The following CTNNA2 variants were observed in gnomAD, a reference collection of about 807,000 sequenced individuals.
The protein encoded by CTNNA2 is catenin alpha 2.
Under a neutral mutation model 101.0 loss-of-function variants are expected in CTNNA2, and 42 were observed. That is an observed-to-expected ratio of 0.42 (90% CI 0.32 to 0.54). CTNNA2 has a LOEUF of 0.54. Ranked by LOEUF, CTNNA2 falls within the 20% of genes least tolerant of loss-of-function variation. CTNNA2 has a pLI of 0.14. For synonymous variants in CTNNA2, 450 were observed against 456.4 expected (o/e 0.99, Z 0.18); for missense variants, 871 against 1,223.1 (o/e 0.71, Z 4.29).
At chr2:79,282,749 T>C (rs1675430739) in intron 2 of CTNNA2, among the ~76,000 whole-genome samples, 2 of 136,672 alleles carry the variant, frequency 1.5e-5, no homozygotes, top group African/African-American at 2.5e-5. Context: ...GCAGCATGAT[T>C]TATAGTCCTT....
At chr2:80,625,122 TAA>T (rs1553413083) in intron 18 of CTNNA2, among the ~76,000 whole-genome samples, 11 of 152,048 alleles carry the variant, frequency 7.2e-5, no homozygotes, top group Non-Finnish European at 1.6e-4. Flanking sequence ...GTTAAAATTA[TAA>T]GAGTGATATT....
intron 7 of CTNNA2, among the ~76,000 whole-genome samples, chr2:80,266,446 G>C (rs913252867): frequency 2.6e-5 from 4 of 152,230 alleles, no homozygotes; most frequent in African/African-American, 7.2e-5. Context: ...AGCATCAGCT[G>C]TGCCCCTGCC....
At chr2:79,213,050 A>G (rs1312449575) in intron 2 of CTNNA2, among the ~76,000 whole-genome samples, 2 of 152,164 alleles carry the variant, frequency 1.3e-5, no homozygotes, top group Admixed American at 1.3e-4. Flanking sequence ...GGCTGGAAGG[A>G]GATATTTCCC....
intron 7 of CTNNA2, among the ~76,000 whole-genome samples, chr2:80,234,353 C>G (rs1351765704): frequency 6.6e-6 from 1 of 152,186 alleles, no homozygotes; most frequent in Admixed American, 6.6e-5. Context: ...AGAGGAAGCA[C>G]AAATGTTAGA....
In CTNNA2 at chr2:80,308,468, G is replaced by C. The variant is rs371088479; in HGVS notation, c.1057-84743G>C. Among the ~76,000 whole-genome samples the C allele has an allele frequency of 7.9e-5, 12 of 152,248 alleles. No homozygotes were observed. In the East Asian group the frequency reaches 1.7e-3, roughly 22 times the overall value. ...ACCTTTAGAAGAATTGGCGGAGAGT[G>C]GGAGTCACAATTTCAAAAAGAGAGA... On this transcript the variant is annotated intron_variant, in intron 7 of 18. Transcript: ENST00000402739.
intron 7 of CTNNA2, among the ~76,000 whole-genome samples, chr2:80,294,435 G>A (rs543187916): frequency 4.5e-4 from 68 of 151,442 alleles, no homozygotes; most frequent in Middle Eastern, 3.4e-3. Context: ...TGTAGCCCAC[G>A]TAACCTGACC....
chr2:79,964,299 A>G (rs1023015546), intron 7 of CTNNA2, among the ~76,000 whole-genome samples: 1 of 151,980 alleles, frequency 6.6e-6, no homozygotes, highest in African/African-American at 2.4e-5. Flanking sequence ...TTATTATCTC[A>G]TTTTTCACAT....
intron 7 of CTNNA2, among the ~76,000 whole-genome samples, chr2:80,280,105 C>T (rs559487019): frequency 6.6e-6 from 1 of 151,658 alleles, no homozygotes; most frequent in African/African-American, 2.4e-5. Flanking sequence ...CCTTTTGTCC[C>T]TTTACCCCTT....
At chr2:79,606,512 C>T (rs1677903804) in intron 1 of CTNNA2, among the ~76,000 whole-genome samples, 1 of 152,194 alleles carries the variant, frequency 6.6e-6, no homozygotes, top group Admixed American at 6.5e-5. Flanking sequence ...TCCTGATCCT[C>T]CCGCCTCAGC....
intron 3 of CTNNA2, among the ~76,000 whole-genome samples, chr2:79,340,843 A>AAG (rs1308269231): frequency 6.6e-4 from 99 of 149,384 alleles, no homozygotes; most frequent in African/African-American, 2.3e-3. Flanking sequence ...CAAAAAAAAA[A>AAG]AAAAAAAAAA....
At chr2:80,489,953 A>G (rs72915000) in intron 9 of CTNNA2, among the ~76,000 whole-genome samples, 15,189 of 152,168 alleles carry the variant, frequency 0.1, 2,002 homozygotes, top group African/African-American at 0.3. Context: ...AGTGACAGGA[A>G]ACAGGTCCGA....
At chr2:80,372,680 A>G (rs1279640916) in intron 7 of CTNNA2, among the ~76,000 whole-genome samples, 1 of 146,626 alleles carries the variant, frequency 6.8e-6, no homozygotes, top group Non-Finnish European at 1.5e-5. Context: ...TTGGGAAAAC[A>G]GCTTTTTTTT....
chr2:79,395,138 G>A (rs1425480828), intron 4 of CTNNA2, among the ~76,000 whole-genome samples: 3 of 152,062 alleles, frequency 2.0e-5, no homozygotes, highest in African/African-American at 2.4e-5. Flanking sequence ...CCCAAATTAC[G>A]GAGTGGTAGC....
At chr2:80,416,905 T>A (rs1680092139) in intron 8 of CTNNA2, among the ~76,000 whole-genome samples, 1 of 152,034 alleles carries the variant, frequency 6.6e-6, no homozygotes, top group Admixed American at 6.6e-5. Context: ...TCCTTGAGTA[T>A]CTTAAAGACA....
At chr2:79,548,921 G>A (rs890153204) in intron 1 of CTNNA2, among the ~76,000 whole-genome samples, 43 of 152,210 alleles carry the variant, frequency 2.8e-4, no homozygotes, top group South Asian at 1.7e-3. Context: ...CCAATCCCAG[G>A]CACTTGAGCT....
intron 7 of CTNNA2, chr2:80,162,400 C>A: frequency 1.4e-6 from 2 of 1,476,940 alleles, no homozygotes; most frequent in Non-Finnish European, 1.8e-6. Context: ...TCAACTTAGT[C>A]AAAGGGCCTA....
chr2:79,565,031 T>G (rs1263521761), intron 1 of CTNNA2, among the ~76,000 whole-genome samples: 1 of 152,152 alleles, frequency 6.6e-6, no homozygotes, highest in Non-Finnish European at 1.5e-5. Context: ...CATATTAAAA[T>G]GTAAATATTT....
chr2:79,451,521 G>A (rs563662161), intron 4 of CTNNA2, among the ~76,000 whole-genome samples: 77 of 151,942 alleles, frequency 5.1e-4, no homozygotes, highest in Middle Eastern at 6.8e-3. Context: ...GTAATCATTC[G>A]TTTGTAATAT....
At chr2:79,767,480 C>A (rs1323906867) in intron 3 of CTNNA2, among the ~76,000 whole-genome samples, 1 of 151,980 alleles carries the variant, frequency 6.6e-6, no homozygotes, top group African/African-American at 2.4e-5. Flanking sequence ...CTTATTTGTA[C>A]CCATCCTTCT....
Sources: allele counts gnomAD v4.1 joint callset (sites outside exome capture counted in the v4.1 genomes callset), GRCh38; gene constraint gnomAD v4.1.1; transcripts MANE v1.5; gene names NCBI Gene and HGNC (gene_info 2026-07-23, HGNC 2026-07-21).